Variants in MYLK4 observed in about 807,000 individuals in gnomAD.
MYLK4 encodes myosin light chain kinase family member 4, also known as caMLCK like.
MYLK4 carries 46 observed loss-of-function variants against 48.1 expected under a neutral mutation model. That is an observed-to-expected ratio of 0.96 (90% CI 0.75 to 1.22). The LOEUF (loss-of-function observed/expected upper bound fraction) is 1.22, where lower values mean the gene tolerates loss of function less well. Among genes scored for constraint, MYLK4 ranks in the 50% most tolerant of loss-of-function variants. The pLI, the probability that MYLK4 is intolerant of heterozygous loss-of-function variation, is 0.00. For synonymous variants in MYLK4, 170 were observed against 180.8 expected (o/e 0.94, Z 0.48); for missense variants, 451 against 486.1 (o/e 0.93, Z 0.68).
intron 2 of MYLK4, among the ~76,000 whole-genome samples, chr6:2,698,468 CAG>C (rs1762152226): frequency 1.3e-5 from 2 of 152,242 alleles, no homozygotes; most frequent in South Asian, 2.1e-4. Flanking sequence ...CTGGGCTCCG[CAG>C]AGTCTTTTCT....
intron 2 of MYLK4, among the ~76,000 whole-genome samples, chr6:2,740,709 C>T (rs1442026116): frequency 6.6e-6 from 1 of 152,244 alleles, no homozygotes; most frequent in Non-Finnish European, 1.5e-5. Context: ...ATCGTAGAGA[C>T]ATGGTGCTGG....
At chr6:2,764,367 G>A in the MYLK4 span, among the ~76,000 whole-genome samples, 1 of 152,138 alleles carries the variant, frequency 6.6e-6, no homozygotes. Context: ...TGTGAGCTCT[G>A]GTCGCGGCCC....
the MYLK4 span, among the ~76,000 whole-genome samples, chr6:2,763,599 C>A: frequency 6.6e-6 from 1 of 152,254 alleles, no homozygotes; most frequent in Non-Finnish European, 1.5e-5. Flanking sequence ...CCGGAACTCG[C>A]GCTGGCCCGC....
intron 2 of MYLK4, among the ~76,000 whole-genome samples, chr6:2,730,078 C>T (rs952081525): frequency 7.9e-5 from 12 of 152,230 alleles, no homozygotes; most frequent in African/African-American, 2.9e-4. Flanking sequence ...TAGCTAAGAA[C>T]AGCGTGCTGG....
At chr6:2,683,301 T>C in intron 6 of MYLK4, 139 bp from the exon 7 acceptor site, 1 of 870,804 alleles carries the variant, frequency 1.1e-6, no homozygotes, top group East Asian at 2.7e-5. Flanking sequence ...TTCTTTACTA[T>C]CTTACTTAGA....
rs1561838664 is a variant in MYLK4, at chr6:2,685,519, T to C, written c.399A>G (p.Ala133=). 1 of 1,614,160 alleles carries C rather than the reference T, an allele frequency of 6.2e-7. No individual in the cohort carries two copies. The highest frequency in any genetic ancestry group is 2.2e-5 in the East Asian group (1 of 44,876). Residue 133 remains alanine, a synonymous_variant, in exon 5 of 13, where the codon GCA becomes GCG. Coordinates refer to ENST00000274643, the MANE Select transcript of MYLK4 (RefSeq NM_001012418.5). The surrounding 1 kb of genome is among the most constrained non-coding windows in gnomAD (Gnocchi z 4.5). ...TGCCTCTGGTCTTGATGATTTTGGC[T>C]GCCAGCTTCAGACCTGTGGCCGTCT... ...CEETATGLKL[A]AKIIKTRGMK...
intron 3 of MYLK4, among the ~76,000 whole-genome samples, chr6:2,691,024 G>A (rs1424710998): frequency 6.6e-6 from 1 of 151,870 alleles, no homozygotes; most frequent in Non-Finnish European, 1.5e-5. Context: ...TAGAGACGGG[G>A]TTTCACCGTG....
chr6:2,716,923 G>A (rs1762885020), intron 2 of MYLK4, among the ~76,000 whole-genome samples: 1 of 152,196 alleles, frequency 6.6e-6, no homozygotes, highest in Admixed American at 6.5e-5. Context: ...TAAGAGACAG[G>A]CATTACACCA....
At position 2,682,700 on chromosome 6, in the gene MYLK4, C is replaced by T. The variant is rs539152718; in HGVS notation, c.687+321G>A. On this transcript the variant is annotated intron_variant, in intron 7 of 12. Transcript: ENST00000274643. ...GCTAAAATCCTCTCACCTACTTGTCCTGATGAGAGGGCTACCACGTGGATA... is the reference window on the plus strand; with the variant it reads ...GCTAAAATCCTCTCACCTACTTGTCTTGATGAGAGGGCTACCACGTGGATA... Among the ~76,000 whole-genome samples, 13 of 152,316 alleles carry T rather than the reference C, an allele frequency of 8.5e-5. No homozygotes were observed. The South Asian group carries it at 2.5e-3, about 29-fold the overall frequency.
At chr6:2,729,422 C>T (rs926123739) in intron 2 of MYLK4, among the ~76,000 whole-genome samples, 1 of 152,226 alleles carries the variant, frequency 6.6e-6, no homozygotes, top group African/African-American at 2.4e-5. Context: ...GGCAAAGGAG[C>T]TCGCACCTCT....
At chr6:2,694,907 A>G (rs369275818) in intron 2 of MYLK4, among the ~76,000 whole-genome samples, 10 of 151,664 alleles carry the variant, frequency 6.6e-5, no homozygotes, top group African/African-American at 9.7e-5. Context: ...CTTTCTGGGG[A>G]AAAAAAAAGA....
rs535846034 is a variant in MYLK4, at chr6:2,727,694, A to G, written c.159+21442T>C. 5.9e-5 allele frequency among the ~76,000 whole-genome samples: 9 copies of G among 152,270 alleles called. No individual in the cohort carries two copies. In the South Asian group the frequency reaches 1.7e-3, roughly 28 times the overall value. ...ATAATAGCTATCATTCACGCCTGTA[A>G]TCCCAGCACTTTGGGAGGCCGAGGT... On this transcript the variant is annotated intron_variant, in intron 2 of 12. Transcript: ENST00000274643.
intron 2 of MYLK4, among the ~76,000 whole-genome samples, chr6:2,732,724 T>C (rs1763519851): frequency 2.0e-5 from 3 of 151,690 alleles, no homozygotes; most frequent in South Asian, 4.2e-4. Context: ...TTGCTGTAGT[T>C]TCCTCTGATG....
intron 2 of MYLK4, among the ~76,000 whole-genome samples, chr6:2,729,280 G>A (rs1245588634): frequency 2.0e-5 from 3 of 152,216 alleles, no homozygotes; most frequent in Non-Finnish European, 4.4e-5. Flanking sequence ...TGGCTGGGGA[G>A]CCACTGGGGC....
intron 2 of MYLK4, among the ~76,000 whole-genome samples, chr6:2,729,493 C>G (rs1245535681): frequency 6.6e-6 from 1 of 152,234 alleles, no homozygotes; most frequent in Non-Finnish European, 1.5e-5. Flanking sequence ...ATACTAAACA[C>G]GATCCACCAT....
chr6:2,668,631 C>T (rs957669459), intron 12 of MYLK4, among the ~76,000 whole-genome samples: 6 of 152,188 alleles, frequency 3.9e-5, no homozygotes, highest in Non-Finnish European at 8.8e-5. Flanking sequence ...TGGTTTCCAT[C>T]ATAATACATC....
chr6:2,674,846 G>T (rs778028252), intron 11 of MYLK4, among the ~76,000 whole-genome samples: 40 of 152,128 alleles, frequency 2.6e-4, no homozygotes, highest in Non-Finnish European at 4.4e-4. Flanking sequence ...ACTCTAGTTT[G>T]GGCAACGAGA....
At chr6:2,736,453 C>T (rs926865045) in intron 2 of MYLK4, among the ~76,000 whole-genome samples, 2 of 152,340 alleles carry the variant, frequency 1.3e-5, no homozygotes, top group Admixed American at 6.5e-5. Context: ...GGGCCTTTAA[C>T]ACTCTAACCT....
At chr6:2,737,721 G>C (rs1415768784) in intron 2 of MYLK4, among the ~76,000 whole-genome samples, 3 of 152,138 alleles carry the variant, frequency 2.0e-5, no homozygotes, top group African/African-American at 7.2e-5. Context: ...CCCACAGAAA[G>C]AAATTAAGTG....
Sources: allele counts gnomAD v4.1 joint callset (sites outside exome capture counted in the v4.1 genomes callset), GRCh38; gene constraint gnomAD v4.1.1; non-coding constraint Gnocchi (gnomAD v3.1); transcripts MANE v1.5; gene names NCBI Gene and HGNC (gene_info 2026-07-23, HGNC 2026-07-21).